Variants in ASIC2 observed in about 807,000 individuals in gnomAD.
ASIC2 encodes acid sensing ion channel subunit 2.
ASIC2 carries 25 observed loss-of-function variants against 57.3 expected under a neutral mutation model. The observed-to-expected ratio is 0.44, with a 90% CI of 0.32 to 0.61. The LOEUF (loss-of-function observed/expected upper bound fraction) is 0.61, where lower values mean the gene tolerates loss of function less well. Among genes scored for constraint, ASIC2 ranks in the 20% least tolerant of loss-of-function variants. The pLI is 0.06. For missense variants in ASIC2, 641 were observed against 738.1 expected (o/e 0.87, Z 1.52); for synonymous variants, 319 against 307.5 (o/e 1.04, Z -0.39).
At chr17:33,866,664 A>G (rs1914246082) in intron 1 of ASIC2, among the ~76,000 whole-genome samples, 1 of 151,958 alleles carries the variant, frequency 6.6e-6, no homozygotes, top group African/African-American at 2.4e-5. Context: ...TGCCTTGAAC[A>G]CACTCCAGGT....
intron 1 of ASIC2, among the ~76,000 whole-genome samples, chr17:34,096,548 T>A (rs1183654101): frequency 7.2e-5 from 11 of 152,084 alleles, no homozygotes; most frequent in Admixed American, 7.2e-4. Context: ...TTGATCATAG[T>A]GCAGAGAATG....
intron 1 of ASIC2, among the ~76,000 whole-genome samples, chr17:33,684,310 C>T (rs1327071514): frequency 2.0e-5 from 3 of 152,170 alleles, no homozygotes; most frequent in Non-Finnish European, 2.9e-5. Flanking sequence ...CACTCCCAGC[C>T]CGACCCTGGG....
chr17:33,210,043 T>C (rs1464067698), intron 1 of ASIC2, among the ~76,000 whole-genome samples: 1 of 152,162 alleles, frequency 6.6e-6, no homozygotes, highest in Non-Finnish European at 1.5e-5. Flanking sequence ...TGCAGGAGTG[T>C]AAGCAGCAAA....
At chr17:33,437,042 T>A (rs1911647548) in intron 1 of ASIC2, among the ~76,000 whole-genome samples, 1 of 150,980 alleles carries the variant, frequency 6.6e-6, no homozygotes, top group African/African-American at 2.4e-5. Context: ...ATTTTTTGTA[T>A]TTTTAGTAGA....
chr17:33,903,369 G>A (rs1477441671), intron 1 of ASIC2, among the ~76,000 whole-genome samples: 1 of 152,102 alleles, frequency 6.6e-6, no homozygotes, highest in Non-Finnish European at 1.5e-5. Context: ...TAAATCCAAA[G>A]TAACATTTTC....
chr17:34,076,326 C>T (rs1428918522), intron 1 of ASIC2, among the ~76,000 whole-genome samples: 1 of 152,092 alleles, frequency 6.6e-6, no homozygotes, highest in Non-Finnish European at 1.5e-5. Context: ...CTTTTGCTCA[C>T]ATACTGCTGG....
At chr17:33,255,739 G>T (rs761389986) in intron 1 of ASIC2, among the ~76,000 whole-genome samples, 7 of 152,142 alleles carry the variant, frequency 4.6e-5, no homozygotes, top group Non-Finnish European at 8.8e-5. Flanking sequence ...TAAATAGCAG[G>T]ATGGACTAAG....
At chr17:33,048,284 A>G (rs1330825091) in intron 3 of ASIC2, among the ~76,000 whole-genome samples, 1 of 152,164 alleles carries the variant, frequency 6.6e-6, no homozygotes, top group Non-Finnish European at 1.5e-5. Flanking sequence ...GCATTTTGCT[A>G]TGGCACCTCG....
intron 1 of ASIC2, among the ~76,000 whole-genome samples, chr17:34,127,980 A>G (rs780897373): frequency 2.0e-5 from 3 of 152,054 alleles, no homozygotes; most frequent in Non-Finnish European, 4.4e-5. Context: ...GAAGTTACTC[A>G]ACCTCCCTGA....
intron 1 of ASIC2, among the ~76,000 whole-genome samples, chr17:33,743,840 T>A (rs535442065): frequency 6.6e-6 from 1 of 152,276 alleles, no homozygotes; most frequent in Admixed American, 6.5e-5. Context: ...TTAAAATTAA[T>A]CTCTCTCTCT....
intron 1 of ASIC2, among the ~76,000 whole-genome samples, chr17:33,589,999 G>A (rs181550112): frequency 6.6e-6 from 1 of 152,270 alleles, no homozygotes; most frequent in East Asian, 1.9e-4. Context: ...TTTCTGTGGG[G>A]TGGTCCACCC....
At position 33,367,237 on chromosome 17, in the gene ASIC2, A is replaced by T. The variant is rs115703309; in HGVS notation, c.556-255170T>A. ...AGCTGGGAGGGAGCCAGAGGCTCAG[A>T]GGTGAGTGTATAGGGCAGGCCTAGA... On this transcript the variant is annotated intron_variant, in intron 1 of 9. Coordinates refer to the ASIC2 transcript ENST00000359872. Among the ~76,000 whole-genome samples, 323 of 152,304 alleles carry T rather than the reference A, an allele frequency of 2.1e-3. 1 individual carries two copies. The highest frequency in any genetic ancestry group is 7.7e-3 in the African/African-American group (322 of 41,574).
chr17:33,177,179 C>T (rs953675769), intron 1 of ASIC2, among the ~76,000 whole-genome samples: 2 of 152,180 alleles, frequency 1.3e-5, no homozygotes, highest in East Asian at 1.9e-4. Context: ...GTCCCCAATC[C>T]TTGCAGAGGG....
chr17:33,770,467 T>C (rs753597894), intron 1 of ASIC2, among the ~76,000 whole-genome samples: 1 of 152,216 alleles, frequency 6.6e-6, no homozygotes, highest in African/African-American at 2.4e-5. Context: ...GTTGTTGTTT[T>C]TGCCACGACT....
intron 1 of ASIC2, among the ~76,000 whole-genome samples, chr17:33,445,797 CAAAAA>C (rs60125160): frequency 1.4e-3 from 175 of 120,954 alleles, no homozygotes; most frequent in South Asian, 9.6e-3. Flanking sequence ...AACTCCATCT[CAAAAA>C]AAAAAAAAAA....
intron 1 of ASIC2, among the ~76,000 whole-genome samples, chr17:33,739,213 T>C (rs1366771851): frequency 6.6e-6 from 1 of 152,218 alleles, no homozygotes; most frequent in Non-Finnish European, 1.5e-5. Flanking sequence ...GAAATCTGTG[T>C]CAGGCAAGAA....
At chr17:33,101,971 G>C (rs533874503) in intron 2 of ASIC2, among the ~76,000 whole-genome samples, 1 of 152,122 alleles carries the variant, frequency 6.6e-6, no homozygotes, top group East Asian at 1.9e-4. Flanking sequence ...TGCCTCTCAG[G>C]ACAGCCAGAC....
intron 1 of ASIC2, among the ~76,000 whole-genome samples, chr17:33,982,170 C>A (rs1454667284): frequency 6.6e-6 from 1 of 152,232 alleles, no homozygotes; most frequent in Non-Finnish European, 1.5e-5. Context: ...TTGCACCCAG[C>A]CAATCCCCAG....
At chr17:33,612,621 G>A (rs546209540) in intron 1 of ASIC2, among the ~76,000 whole-genome samples, 7 of 152,316 alleles carry the variant, frequency 4.6e-5, no homozygotes, top group South Asian at 2.1e-4. Flanking sequence ...TAGCATGTGC[G>A]CAGAAGTAAT....
Sources: allele counts gnomAD v4.1 joint callset (sites outside exome capture counted in the v4.1 genomes callset), GRCh38; gene constraint gnomAD v4.1.1; transcripts MANE v1.5; gene names NCBI Gene and HGNC (gene_info 2026-07-23, HGNC 2026-07-21).